The following FGF14 variants were observed in gnomAD, a reference collection of about 807,000 sequenced individuals.
The protein encoded by FGF14 is fibroblast growth factor 14.
FGF14 carries 5 observed loss-of-function variants against 25.5 expected under a neutral mutation model. The ratio of observed to expected loss-of-function variants is 0.20; its 90% confidence interval spans 0.10 to 0.41. FGF14 has a LOEUF of 0.41. FGF14 is among the 10% of genes least tolerant of loss of function. The pLI is 1.00. For synonymous variants in FGF14, 138 were observed against 118.3 expected (o/e 1.17, Z -1.08); for missense variants, 222 against 320.1 (o/e 0.69, Z 2.34).
rs943206988 is a variant in FGF14 at position 101,718,280 on chromosome 13, A to G, written c.*4551T>C. ...TTTGATGCCAGCAATGCAAACACCA[A>G]TATATCTATTAAGAAGTGATTGAAT... On this transcript the variant is annotated 3_prime_UTR_variant, in exon 5 of 5. Transcript: ENST00000376143. The G allele has an allele frequency of 1.3e-5, 2 of 152,060 alleles. No individual in the cohort carries two copies. Among genetic ancestry groups the G allele is most frequent in the Non-Finnish European group, 2.9e-5 (2 of 67,976 alleles). The allele number at this position is 152,060 out of a possible 1,614,324, so 9.4% of individuals were successfully genotyped here.
chr13:102,285,581 T>G (rs1035784970), intron 1 of FGF14, among the ~76,000 whole-genome samples: 1 of 152,220 alleles, frequency 6.6e-6, no homozygotes, highest in Non-Finnish European at 1.5e-5. Flanking sequence ...TTCCAACATT[T>G]CTAATGATTT....
intron 1 of FGF14, among the ~76,000 whole-genome samples, chr13:102,396,584 A>G (rs1347522703): frequency 6.6e-6 from 1 of 152,208 alleles, no homozygotes; most frequent in East Asian, 1.9e-4. Context: ...TTTTAAAGGA[A>G]TGGTTCATTG....
chr13:102,317,027 C>CGGAAA (rs2056058506), intron 1 of FGF14, among the ~76,000 whole-genome samples: 2 of 151,880 alleles, frequency 1.3e-5, no homozygotes, highest in Admixed American at 6.6e-5. Context: ...GGCCATTTTC[C>CGGAAA]ATTCATTAAT....
chr13:102,069,574 G>A (rs1262679800), intron 1 of FGF14, among the ~76,000 whole-genome samples: 4 of 151,814 alleles, frequency 2.6e-5, no homozygotes, highest in African/African-American at 4.9e-5. Flanking sequence ...TGAGCCCAGC[G>A]AGACCACAAG....
intron 1 of FGF14, among the ~76,000 whole-genome samples, chr13:101,984,005 T>C (rs2038419490): frequency 6.6e-6 from 1 of 152,162 alleles, no homozygotes; most frequent in Admixed American, 6.6e-5. Context: ...AAAATCCAGG[T>C]TTTCCACTTA....
At chr13:102,139,021 A>G (rs2046525337) in intron 1 of FGF14, among the ~76,000 whole-genome samples, 1 of 152,216 alleles carries the variant, frequency 6.6e-6, no homozygotes, top group Admixed American at 6.5e-5. Flanking sequence ...CCTAATATGT[A>G]AAATTCCCTT....
At chr13:101,972,196 T>C (rs1290525716) in intron 1 of FGF14, among the ~76,000 whole-genome samples, 1 of 152,214 alleles carries the variant, frequency 6.6e-6, no homozygotes, top group Non-Finnish European at 1.5e-5. Flanking sequence ...AGGCACTCTG[T>C]GCTTTAGTGA....
At chr13:101,845,094 G>A (rs771609231) in intron 3 of FGF14, among the ~76,000 whole-genome samples, 10 of 151,978 alleles carry the variant, frequency 6.6e-5, no homozygotes, top group African/African-American at 9.7e-5. Flanking sequence ...CTTTGCAAAC[G>A]TCAGGTAATG....
chr13:101,880,485 T>C (rs1185405053), intron 1 of FGF14, among the ~76,000 whole-genome samples: 1 of 152,186 alleles, frequency 6.6e-6, no homozygotes, highest in Non-Finnish European at 1.5e-5. Flanking sequence ...GAGAATCGCT[T>C]GAACCCGGGA....
chr13:101,766,216 T>A lies in FGF14; in HGVS notation c.409-39406A>T, dbSNP rs145637905. Among the ~76,000 whole-genome samples the A allele has an allele frequency of 1.0e-3, 153 of 152,290 alleles. 1 individual carries two copies. The highest frequency in any genetic ancestry group is 3.6e-3 in the African/African-American group (150 of 41,560). The stretch of plus-strand genomic sequence containing the variant: ...ATGTGAGTATGAAATGCCAATATTT[T>A]AAAAAATGAATTGCATAGTTCCATC... On this transcript the variant is annotated intron_variant, in intron 3 of 4. Transcript: ENST00000376143.
intron 1 of FGF14, among the ~76,000 whole-genome samples, chr13:102,015,051 G>A (rs1211627922): frequency 6.6e-6 from 1 of 152,144 alleles, no homozygotes; most frequent in East Asian, 1.9e-4. Flanking sequence ...GGGATTACAG[G>A]CCTGTGCCAC....
At chr13:101,823,789 T>C (rs892031247) in intron 3 of FGF14, among the ~76,000 whole-genome samples, 2 of 150,084 alleles carry the variant, frequency 1.3e-5, no homozygotes, top group African/African-American at 4.9e-5. Context: ...ATGTATAGTA[T>C]CTATAAAGAT....
At chr13:102,005,280 A>T (rs534447613) in intron 1 of FGF14, among the ~76,000 whole-genome samples, 1 of 152,342 alleles carries the variant, frequency 6.6e-6, no homozygotes, top group African/African-American at 2.4e-5. Flanking sequence ...ATATAATCAA[A>T]TGCAAATAAG....
chr13:102,124,511 T>C (rs1253065235), intron 1 of FGF14, among the ~76,000 whole-genome samples: 3 of 152,092 alleles, frequency 2.0e-5, no homozygotes, highest in Non-Finnish European at 4.4e-5. Context: ...CTGGAAGGTT[T>C]TGGTATTCAC....
chr13:102,146,052 T>G (rs889899403), intron 1 of FGF14, among the ~76,000 whole-genome samples: 2 of 152,214 alleles, frequency 1.3e-5, no homozygotes, highest in African/African-American at 4.8e-5. Context: ...CTGAGGACAA[T>G]TACCCAGGAA....
intron 3 of FGF14, among the ~76,000 whole-genome samples, chr13:101,728,343 T>C (rs1340106376): frequency 6.6e-6 from 1 of 152,064 alleles, no homozygotes; most frequent in African/African-American, 2.4e-5. Flanking sequence ...TCTTTATTTC[T>C]TCTTGATGAT....
intron 1 of FGF14, among the ~76,000 whole-genome samples, chr13:102,324,487 A>G (rs2056355971): frequency 6.6e-6 from 1 of 152,194 alleles, no homozygotes; most frequent in Non-Finnish European, 1.5e-5. Context: ...CTGAGATGCA[A>G]TCATAAACAA....
chr13:102,160,212 C>A (rs572930436), intron 1 of FGF14, among the ~76,000 whole-genome samples: 4 of 152,198 alleles, frequency 2.6e-5, no homozygotes, highest in African/African-American at 7.2e-5. Context: ...TGTGGAAGAC[C>A]CTGGTGCCTC....
intron 1 of FGF14, among the ~76,000 whole-genome samples, chr13:102,167,923 T>TATACGCACACACAAAC (rs1426901778): frequency 7.2e-5 from 11 of 151,882 alleles, no homozygotes; most frequent in African/African-American, 2.7e-4. Context: ...AAGAGCCAGG[T>TATACGCACACACAAAC]ATACGCACAC....
Sources: allele counts gnomAD v4.1 joint callset (sites outside exome capture counted in the v4.1 genomes callset), GRCh38; gene constraint gnomAD v4.1.1; transcripts MANE v1.5; gene names NCBI Gene and HGNC (gene_info 2026-07-23, HGNC 2026-07-21).